Variants in ZC3H12B observed in about 807,000 individuals in gnomAD.
ZC3H12B encodes the protein zinc finger CCCH-type containing 12B.
In ZC3H12B, 7 loss-of-function variants were observed where a neutral mutation model predicts 43.9. The ratio of observed to expected loss-of-function variants is 0.16; its 90% confidence interval spans 0.09 to 0.30. The LOEUF is 0.30. Ranked by LOEUF, ZC3H12B falls within the 10% of genes least tolerant of loss-of-function variation. The pLI is 1.00. For missense variants in ZC3H12B, 475 were observed against 670.2 expected (o/e 0.71, Z 3.22); for synonymous variants, 222 against 241.7 (o/e 0.92, Z 0.76).
At chrX:65,042,749 GA>G in the ZC3H12B span, among the ~76,000 whole-genome samples, 8 of 111,544 alleles carry the variant, frequency 7.2e-5, no homozygotes, top group East Asian at 1.4e-3. Context: ...CTAGCTTAAA[GA>G]AAAAAAGAGT....
intron 3 of ZC3H12B, among the ~76,000 whole-genome samples, chrX:65,443,572 C>A (rs781025635): frequency 8.9e-6 from 1 of 112,410 alleles, no homozygotes; most frequent in East Asian, 2.8e-4. Flanking sequence ...TAAAAGTATC[C>A]CTTAAGGGAA....
At chrX:65,166,503 A>G in the ZC3H12B span, among the ~76,000 whole-genome samples, 54 of 112,087 alleles carry the variant, frequency 4.8e-4, no homozygotes, top group African/African-American at 1.6e-3. Flanking sequence ...TGCAATAAAC[A>G]TTCGTGTGCA....
the ZC3H12B span, among the ~76,000 whole-genome samples, chrX:65,223,489 A>T: frequency 8.9e-6 from 1 of 112,643 alleles, no homozygotes; most frequent in Non-Finnish European, 1.9e-5. Context: ...AATTAAATTG[A>T]AAAGCTTCAG....
At chrX:65,273,397 T>C in the ZC3H12B span, among the ~76,000 whole-genome samples, 1 of 108,262 alleles carries the variant, frequency 9.2e-6, no homozygotes, top group Non-Finnish European at 1.9e-5. Flanking sequence ...CATTGGAAAT[T>C]ATCCTGTCTG....
the ZC3H12B span, among the ~76,000 whole-genome samples, chrX:65,058,779 C>T: frequency 7.1e-5 from 8 of 111,956 alleles, no homozygotes; most frequent in African/African-American, 2.6e-4. Flanking sequence ...GCAGTGGCGG[C>T]CGCTCTTCCC....
chrX:65,040,646 G>A, the ZC3H12B span, among the ~76,000 whole-genome samples: 1 of 110,400 alleles, frequency 9.1e-6, no homozygotes, highest in South Asian at 3.9e-4. Context: ...ATCAGGATTA[G>A]GACAAGATCC....
the ZC3H12B span, among the ~76,000 whole-genome samples, chrX:65,228,321 C>A: frequency 5.4e-5 from 6 of 111,628 alleles, no homozygotes; most frequent in Admixed American, 1.9e-4. Flanking sequence ...AGGCCTTTGA[C>A]AAAATTCAAC....
chrX:65,342,268 A>G, the ZC3H12B span, among the ~76,000 whole-genome samples: 1 of 111,884 alleles, frequency 8.9e-6, no homozygotes, highest in Admixed American at 9.5e-5. Context: ...TTTAGAAAGC[A>G]TATTCAGGAC....
At chrX:65,247,189 G>A in the ZC3H12B span, among the ~76,000 whole-genome samples, 2 of 112,078 alleles carry the variant, frequency 1.8e-5, no homozygotes, top group Non-Finnish European at 3.8e-5. Context: ...CGCAATGAAG[G>A]CCATGTAACA....
the ZC3H12B span, among the ~76,000 whole-genome samples, chrX:65,226,739 C>T: frequency 9.0e-6 from 1 of 111,099 alleles, no homozygotes; most frequent in Non-Finnish European, 1.9e-5. Context: ...ATCCTAGTCT[C>T]TGATAAAACA....
the ZC3H12B span, among the ~76,000 whole-genome samples, chrX:65,301,990 A>AG: frequency 9.0e-6 from 1 of 111,361 alleles, no homozygotes; most frequent in Non-Finnish European, 1.9e-5. Context: ...AAAAAAAAAA[A>AG]CTTTTTAGCA....
At chrX:65,366,687 G>C (rs1420135925) in exon 1 of ZC3H12B, 1 of 112,006 alleles carries the variant, frequency 8.9e-6, no homozygotes, top group African/African-American at 3.2e-5. Context: ...TCTTTTAAGA[G>C]TGATGGGTTT....
chrX:65,186,870 C>A, the ZC3H12B span, among the ~76,000 whole-genome samples: 68 of 111,978 alleles, frequency 6.1e-4, no homozygotes, highest in African/African-American at 2.1e-3. Flanking sequence ...TATTTCATTC[C>A]TTTATATTGC....
At chrX:65,407,958 C>T in intron 3 of ZC3H12B, 1 of 834,093 alleles carries the variant, frequency 1.2e-6, no homozygotes, top group Non-Finnish European at 1.7e-6. Flanking sequence ...CGCCTGCGTG[C>T]GTGGCCACCT....
the ZC3H12B span, among the ~76,000 whole-genome samples, chrX:65,153,662 G>A: frequency 8.9e-6 from 1 of 112,285 alleles, no homozygotes; most frequent in Non-Finnish European, 1.9e-5. Flanking sequence ...CATTGTGGAA[G>A]TCAATGTGGT....
At chrX:65,375,060 C>A (rs558037269) in intron 2 of ZC3H12B, among the ~76,000 whole-genome samples, 3 of 111,752 alleles carry the variant, frequency 2.7e-5, no homozygotes, top group South Asian at 3.8e-4. Context: ...AATATCACTC[C>A]TTCTCCACTA....
the ZC3H12B span, among the ~76,000 whole-genome samples, chrX:65,146,467 G>T: frequency 9.0e-6 from 1 of 111,533 alleles, no homozygotes; most frequent in African/African-American, 3.3e-5. Context: ...AAGTAAATCT[G>T]GGATTTCTTC....
the ZC3H12B span, among the ~76,000 whole-genome samples, chrX:65,234,815 C>G: frequency 9.0e-6 from 1 of 111,566 alleles, no homozygotes; most frequent in Non-Finnish European, 1.9e-5. Flanking sequence ...GGCCAGTATC[C>G]ATTAGCTATT....
chrX:65,057,782 G>A, the ZC3H12B span, among the ~76,000 whole-genome samples: 1 of 111,393 alleles, frequency 9.0e-6, no homozygotes, highest in Admixed American at 9.6e-5. Context: ...TTGTTCATTT[G>A]TTTTTATTCT....
Sources: gnomAD v4.1 joint callset for allele counts (sites outside exome capture counted in the v4.1 genomes callset) on GRCh38, gnomAD v4.1.1 for gene constraint, MANE v1.5 for transcripts, NCBI Gene and HGNC (gene_info 2026-07-23, HGNC 2026-07-21) for gene names.